Variants in NHEJ1 observed in about 807,000 individuals in gnomAD.
NHEJ1 encodes non-homologous end joining factor 1.
A neutral mutation model predicts 39.4 loss-of-function variants in NHEJ1; 22 were observed. The ratio of observed to expected loss-of-function variants is 0.56; its 90% CI spans 0.40 to 0.80. The LOEUF is 0.80. Ranked by LOEUF, NHEJ1 falls within the 30% of genes least tolerant of loss-of-function variation. The pLI, the probability that NHEJ1 is intolerant of heterozygous loss-of-function variation, is 0.00. For missense variants in NHEJ1, 329 were observed against 357.1 expected (o/e 0.92, Z 0.63); for synonymous variants, 154 against 135.6 (o/e 1.14, Z -0.94).
chr2:219,136,332 A>G (rs1949628193), intron 5 of NHEJ1, among the ~76,000 whole-genome samples: 1 of 143,146 alleles, frequency 7.0e-6, no homozygotes, highest in African/African-American at 2.6e-5. Flanking sequence ...TTTGTCGCTC[A>G]GGCTGGAGTG....
intron 5 of NHEJ1, among the ~76,000 whole-genome samples, chr2:219,081,674 A>T (rs1029302235): frequency 6.6e-6 from 1 of 152,194 alleles, no homozygotes; most frequent in African/African-American, 2.4e-5. Context: ...CATGTGGGAG[A>T]TAGGCAGACA....
chr2:219,138,106 T>C (rs569551044), intron 5 of NHEJ1, among the ~76,000 whole-genome samples: 1 of 152,284 alleles, frequency 6.6e-6, no homozygotes, highest in African/African-American at 2.4e-5. Context: ...CTGAATCCTA[T>C]GGCTTTCTCT....
intron 5 of NHEJ1, among the ~76,000 whole-genome samples, chr2:219,090,927 T>C (rs1949154679): frequency 6.6e-6 from 1 of 152,240 alleles, no homozygotes; most frequent in Non-Finnish European, 1.5e-5. Flanking sequence ...CAGCACTCTA[T>C]TCATTTTCCT....
chr2:219,080,537 A>C (rs1949052733), intron 5 of NHEJ1, among the ~76,000 whole-genome samples: 1 of 142,232 alleles, frequency 7.0e-6, no homozygotes, highest in South Asian at 2.1e-4. Context: ...AAAAAAATAA[A>C]TAAATAAATA....
At position 219,158,287 on chromosome 2, in the gene NHEJ1, TG is replaced by T. The variant is rs1949876985; in HGVS notation, c.75del (p.Lys26ArgfsTer36). 3.7e-6 allele frequency: 6 copies of T among 1,614,200 alleles called. No homozygotes were observed. Among genetic ancestry groups the T allele is most frequent in the Non-Finnish European group, 5.1e-6 (6 of 1,180,036 alleles). ...TAGCCCTGCTTGGTGATAAAAACCT[TG>T]GCCAAGAGGGAGTTCTCTGCAAGCT... Reference protein sequence around the residue: ...WLQLAENSLLAKVFITKQGYA... With the variant: ...WLQLAENSLLXKVFITKQGYA... On this transcript the variant is annotated frameshift_variant, in exon 2 of 8. Transcript: ENST00000356853. LOFTEE classifies it high-confidence loss of function.
rs148183553 is a variant in NHEJ1 at position 219,133,156 on chromosome 2, C to A, written c.588+13524G>T. 3.5e-3 allele frequency among the ~76,000 whole-genome samples: 528 copies of A among 152,350 alleles called. 2 individuals are homozygous for A. Among genetic ancestry groups the A allele is most frequent in the African/African-American group, 0.012 (501 of 41,580 alleles). ...ATCCTGCAGTCTCATTTCCTAAATA[C>A]TGGACAGCTAAGCTGCCAACCTACA... On this transcript the variant is annotated intron_variant, in intron 5 of 7. Coordinates refer to ENST00000356853, the MANE Select transcript of NHEJ1 (RefSeq NM_024782.3).
intron 5 of NHEJ1, among the ~76,000 whole-genome samples, chr2:219,117,086 C>T (rs982637251): frequency 2.6e-5 from 4 of 152,122 alleles, no homozygotes; most frequent in African/African-American, 7.2e-5. Context: ...CACCACCCTG[C>T]CCACTGCTTG....
At chr2:219,078,296 A>G (rs1949033268) in intron 5 of NHEJ1, 90 bp from the exon 6 acceptor site, 1 of 1,095,920 alleles carries the variant, frequency 9.1e-7, no homozygotes, top group East Asian at 2.3e-5. Context: ...CATCAACCCC[A>G]AATGAATTAA....
At chr2:219,145,545 A>G (rs901089676) in intron 5 of NHEJ1, among the ~76,000 whole-genome samples, 13 of 152,228 alleles carry the variant, frequency 8.5e-5, no homozygotes, top group Non-Finnish European at 1.2e-4. Context: ...GAAGACAATA[A>G]AGAAATACAA....
At chr2:219,157,720 A>T in intron 2 of NHEJ1, 36 bp from the exon 3 acceptor site, 1 of 1,539,830 alleles carries the variant, frequency 6.5e-7, no homozygotes. Flanking sequence ...TAAGGGTGCT[A>T]AAAGGAAACT....
chr2:219,092,488 C>A (rs1259124012), intron 5 of NHEJ1, among the ~76,000 whole-genome samples: 3 of 152,138 alleles, frequency 2.0e-5, no homozygotes, highest in Non-Finnish European at 4.4e-5. Flanking sequence ...AAGATATCTG[C>A]AGCAGTATAA....
intron 1 of NHEJ1, chr2:219,159,060 A>C (rs1211945361): frequency 6.5e-6 from 1 of 153,048 alleles, no homozygotes; most frequent in Non-Finnish European, 1.5e-5. Flanking sequence ...GTCCAGGAGC[A>C]ACAGAAAAGA....
At chr2:219,127,368 C>CCT (rs1001472790) in intron 5 of NHEJ1, among the ~76,000 whole-genome samples, 26 of 152,182 alleles carry the variant, frequency 1.7e-4, no homozygotes, top group Non-Finnish European at 2.6e-4. Flanking sequence ...TCCCCTTACT[C>CCT]CTCCCTCTTT....
Position 219,070,280 on chromosome 2 carries a change from G to A in NHEJ1, c.*6101C>T, listed in dbSNP as rs897798831. ...CAGCTCACTGCAGCCTCTGCCTCCC[G>A]GGTTCCAGCGATTCTCCTGCCTCAG... On this transcript the variant is annotated 3_prime_UTR_variant, in exon 8 of 8. Coordinates refer to ENST00000356853, the MANE Select transcript of NHEJ1 (RefSeq NM_024782.3). Among the ~76,000 whole-genome samples the A allele has an allele frequency of 4.6e-4, 70 of 152,108 alleles. No individual in the cohort carries two copies. The highest frequency in any genetic ancestry group is 3.1e-3 in the Admixed American group (48 of 15,262).
At chr2:219,104,972 G>A (rs900551525) in intron 5 of NHEJ1, among the ~76,000 whole-genome samples, 1 of 152,146 alleles carries the variant, frequency 6.6e-6, no homozygotes, top group African/African-American at 2.4e-5. Context: ...CAGCTGGGGT[G>A]GCAGGCAAGA....
intron 5 of NHEJ1, among the ~76,000 whole-genome samples, chr2:219,087,622 T>C (rs556234682): frequency 4.6e-5 from 7 of 152,234 alleles, no homozygotes; most frequent in African/African-American, 1.7e-4. Context: ...GTGTCTTCTC[T>C]GCCCTGAGAA....
In NHEJ1 at chr2:219,072,387, G is replaced by A; in HGVS notation, c.*3994C>T. On this transcript the variant is annotated 3_prime_UTR_variant, in exon 8 of 8. Coordinates refer to ENST00000356853, the MANE Select transcript of NHEJ1 (RefSeq NM_024782.3). ...TACATTTATGGATATTAGTAACAGA[G>A]ACGAGGAACCAAGGTTCTTGAGCTC... is the stretch of plus-strand genomic sequence containing the variant. 6.6e-6 allele frequency among the ~76,000 whole-genome samples: 1 copy of A among 152,206 alleles called. No homozygotes were observed. The highest frequency in any genetic ancestry group is 1.9e-4 in the East Asian group (1 of 5,206).
intron 5 of NHEJ1, among the ~76,000 whole-genome samples, chr2:219,080,259 G>A (rs879457596): frequency 3.9e-5 from 6 of 152,092 alleles, no homozygotes; most frequent in Non-Finnish European, 8.8e-5. Flanking sequence ...AGACATGGCC[G>A]GGCATGGTGG....
At chr2:219,154,325 A>G (rs1949827955) in intron 3 of NHEJ1, among the ~76,000 whole-genome samples, 1 of 152,238 alleles carries the variant, frequency 6.6e-6, no homozygotes, top group Non-Finnish European at 1.5e-5. Flanking sequence ...CAGTATATAC[A>G]TATATAGCTT....
Sources: allele counts gnomAD v4.1 joint callset (sites outside exome capture counted in the v4.1 genomes callset), GRCh38; gene constraint gnomAD v4.1.1; transcripts MANE v1.5; gene names NCBI Gene and HGNC (gene_info 2026-07-23, HGNC 2026-07-21).